LRRC3B: variants seen among roughly 807,000 people sequenced by gnomAD.
LRRC3B encodes the protein leucine rich repeat containing 3B.
LRRC3B carries 2 observed loss-of-function variants against 12.8 expected under a neutral mutation model. The observed-to-expected ratio is 0.16, with a 90% CI of 0.06 to 0.49. LRRC3B has a LOEUF of 0.49. Among genes scored for constraint, LRRC3B ranks in the 20% least tolerant of loss-of-function variants. The pLI, the probability that LRRC3B is intolerant of heterozygous loss-of-function variation, is 0.96. For synonymous variants in LRRC3B, 132 were observed against 122.0 expected (o/e 1.08, Z -0.54); for missense variants, 189 against 319.4 (o/e 0.59, Z 3.11).
intron 1 of LRRC3B, among the ~76,000 whole-genome samples, chr3:26,681,996 AATAAG>A (rs1224280103): frequency 9.9e-5 from 15 of 151,998 alleles, no homozygotes; most frequent in African/African-American, 3.6e-4. Context: ...AATTAGACAC[AATAAG>A]ATATTAACAA....
At chr3:26,687,876 G>A (rs1700117439) in intron 1 of LRRC3B, among the ~76,000 whole-genome samples, 1 of 152,188 alleles carries the variant, frequency 6.6e-6, no homozygotes, top group South Asian at 2.1e-4. Flanking sequence ...ATTAGCCTTG[G>A]CTCCTCTGCC....
chr3:26,665,683 A>C (rs1164933846), intron 1 of LRRC3B, among the ~76,000 whole-genome samples: 1 of 152,202 alleles, frequency 6.6e-6, no homozygotes, highest in Non-Finnish European at 1.5e-5. Flanking sequence ...TTGATTTACC[A>C]GGCATTATTT....
chr3:26,685,523 C>CTATATATA (rs57407254), intron 1 of LRRC3B, among the ~76,000 whole-genome samples: 22 of 38,294 alleles, frequency 5.7e-4, no homozygotes, highest in East Asian at 2.0e-3. Flanking sequence ...CTCTCTCTCT[C>CTATATATA]TATATATATA....
intron 1 of LRRC3B, among the ~76,000 whole-genome samples, chr3:26,664,276 T>C (rs1699553171): frequency 6.6e-6 from 1 of 152,094 alleles, no homozygotes; most frequent in Non-Finnish European, 1.5e-5. Context: ...CCATTGCTTC[T>C]TCCAGGAGTT....
At chr3:26,658,214 C>T (rs532663765) in intron 1 of LRRC3B, among the ~76,000 whole-genome samples, 67 of 152,226 alleles carry the variant, frequency 4.4e-4, no homozygotes, top group African/African-American at 1.3e-3. Flanking sequence ...GTAGCCACCA[C>T]GCCCAGCTAA....
chr3:26,697,110 C>T (rs746457305), intron 1 of LRRC3B, among the ~76,000 whole-genome samples: 3 of 152,124 alleles, frequency 2.0e-5, no homozygotes, highest in Non-Finnish European at 2.9e-5. Context: ...AAGTTCTATT[C>T]TCCATTTACT....
At chr3:26,685,523 CTA>C (rs57407254) in intron 1 of LRRC3B, among the ~76,000 whole-genome samples, 1,272 of 37,958 alleles carry the variant, frequency 0.034, 13 homozygotes, top group East Asian at 0.061. Context: ...CTCTCTCTCT[CTA>C]TATATATATA....
chr3:26,647,235 T>A (rs1173398395), intron 1 of LRRC3B, among the ~76,000 whole-genome samples: 1 of 152,060 alleles, frequency 6.6e-6, no homozygotes, highest in Admixed American at 6.6e-5. Context: ...CTCCAACACA[T>A]GTTACCCTGA....
At chr3:26,709,625 T>C (rs532292304) in exon 2 of LRRC3B, 7 of 1,580,844 alleles carry the variant, frequency 4.4e-6, no homozygotes, top group Non-Finnish European at 6.0e-6. Context: ...TTACCACGCT[T>C]GTTGGAGTAG....
rs764739170 is a variant in LRRC3B at position 26,658,976 on chromosome 3, C to A, written c.-161+35739C>A. 3.1e-4 allele frequency among the ~76,000 whole-genome samples: 47 copies of A among 152,288 alleles called. No individual in the cohort carries two copies. In the East Asian group the frequency reaches 8.3e-3, roughly 27 times the overall value. Reference sequence around the variant, plus strand: ...GATCTGGGGTGGTATCAGGTGCTAACTTCCTAATGATTTTGCACAATGCAT... The same window carrying A: ...GATCTGGGGTGGTATCAGGTGCTAAATTCCTAATGATTTTGCACAATGCAT... On this transcript the variant is annotated intron_variant, in intron 1 of 1. Transcript: ENST00000396641.
intron 1 of LRRC3B, among the ~76,000 whole-genome samples, chr3:26,685,003 G>A (rs991683320): frequency 2.0e-5 from 3 of 151,954 alleles, no homozygotes; most frequent in African/African-American, 7.3e-5. Flanking sequence ...GCCCAGGCTG[G>A]AGTGCAGTGG....
chr3:26,670,579 A>C (rs1699699395), intron 1 of LRRC3B, among the ~76,000 whole-genome samples: 1 of 152,218 alleles, frequency 6.6e-6, no homozygotes, highest in Non-Finnish European at 1.5e-5. Context: ...TAAAAATGTC[A>C]GTAATTATTA....
chr3:26,689,400 G>A (rs935945400), intron 1 of LRRC3B, among the ~76,000 whole-genome samples: 1 of 152,138 alleles, frequency 6.6e-6, no homozygotes, highest in Non-Finnish European at 1.5e-5. Context: ...GTTAAACAAT[G>A]GTGACCTCCT....
chr3:26,683,978 G>GT (rs745797288), intron 1 of LRRC3B, among the ~76,000 whole-genome samples: 1 of 152,210 alleles, frequency 6.6e-6, no homozygotes, highest in Non-Finnish European at 1.5e-5. Flanking sequence ...CACAGGACTT[G>GT]TTTCTCTCAA....
At chr3:26,680,990 T>G (rs948394868) in intron 1 of LRRC3B, among the ~76,000 whole-genome samples, 1 of 152,224 alleles carries the variant, frequency 6.6e-6, no homozygotes, top group East Asian at 1.9e-4. Flanking sequence ...GTTATTTTGT[T>G]CTCTCAAATA....
rs935436998 is a variant in LRRC3B, at chr3:26,669,045, T to C, written c.-160-40468T>C. Among the ~76,000 whole-genome samples the C allele has an allele frequency of 9.8e-5, 15 of 152,310 alleles. 1 individual carries two copies. Among genetic ancestry groups the C allele is most frequent in the Non-Finnish European group, 2.2e-4 (15 of 68,018 alleles). ...ATGTCATGTACACATGTTCAACCACTAGGTAAACATGCAAAGATGCTATTC... is the reference window on the plus strand; with the variant it reads ...ATGTCATGTACACATGTTCAACCACCAGGTAAACATGCAAAGATGCTATTC... On this transcript the variant is annotated intron_variant, in intron 1 of 1. Coordinates refer to ENST00000396641, the Ensembl canonical transcript of LRRC3B.
chr3:26,624,842 A>G (rs1698588710), intron 1 of LRRC3B: 1 of 152,246 alleles, frequency 6.6e-6, no homozygotes, highest in Non-Finnish European at 1.5e-5. Flanking sequence ...TTTGCACCCC[A>G]GCAATCTGGA....
intron 1 of LRRC3B, among the ~76,000 whole-genome samples, chr3:26,671,889 C>T (rs1196392507): frequency 6.6e-6 from 1 of 152,180 alleles, no homozygotes; most frequent in East Asian, 1.9e-4. Context: ...CCTTCCTTGA[C>T]AGAACACTCC....
intron 1 of LRRC3B, among the ~76,000 whole-genome samples, chr3:26,664,366 C>T (rs1421387789): frequency 1.3e-5 from 2 of 152,038 alleles, no homozygotes; most frequent in African/African-American, 4.8e-5. Flanking sequence ...TCTGTCCCCC[C>T]ACCCCCACGA....
Sources: gnomAD v4.1 joint callset for allele counts (sites outside exome capture counted in the v4.1 genomes callset) on GRCh38, gnomAD v4.1.1 for gene constraint, MANE v1.5 for transcripts, NCBI Gene and HGNC (gene_info 2026-07-23, HGNC 2026-07-21) for gene names.